The following DPYSL2 variants were observed in gnomAD, a reference collection of about 807,000 sequenced individuals.
The protein encoded by DPYSL2 is dihydropyrimidinase like 2, also known as dihydropyrimidinase-related protein 2.
DPYSL2 carries 13 observed loss-of-function variants against 69.9 expected under a neutral mutation model. The observed-to-expected ratio is 0.19, with a 90% CI of 0.12 to 0.30. The LOEUF is 0.30. Among genes scored for constraint, DPYSL2 ranks in the 10% least tolerant of loss-of-function variants. The pLI is 1.00. For missense variants in DPYSL2, 587 were observed against 918.9 expected (o/e 0.64, Z 4.67); for synonymous variants, 326 against 359.1 (o/e 0.91, Z 1.04).
rs111352844 is a variant in DPYSL2 at position 26,537,937 on chromosome 8, A to G, written c.354+23258A>G. On this transcript the variant is annotated intron_variant, in intron 1 of 13. Transcript: ENST00000521913. The stretch of plus-strand genomic sequence containing the variant: ...CGTTCATCTTTCCTTGGCTCATATA[A>G]CCTTAACACTTAATGAAAACTACAG... Among the ~76,000 whole-genome samples, 167 of 152,228 alleles carry G rather than the reference A, an allele frequency of 1.1e-3. 1 individual carries two copies. The highest frequency in any genetic ancestry group is 3.7e-3 in the African/African-American group (155 of 41,560).
At chr8:26,554,379 T>G (rs1417571878) in intron 1 of DPYSL2, among the ~76,000 whole-genome samples, 9 of 146,446 alleles carry the variant, frequency 6.1e-5, no homozygotes, top group Admixed American at 5.5e-4. Context: ...TTTTTTTTTG[T>G]AAATTTGTTT....
rs1347292287 is a variant in DPYSL2 at position 26,517,074 on chromosome 8, G to A, written c.354+2395G>A. ...AGCCCTGACGCAGAGAAAGGTGGGG[G>A]AGATTGAGAATGGGTGGATCCTGGG... On this transcript the variant is annotated intron_variant, in intron 1 of 13. Transcript: ENST00000521913. This position sits in a 1 kb window ranked among gnomAD's most constrained non-coding sequence, Gnocchi z 4.2. Among the ~76,000 whole-genome samples the A allele has an allele frequency of 6.6e-6, 1 of 152,164 alleles. No individual in the cohort carries two copies. Among genetic ancestry groups the A allele is most frequent in the Non-Finnish European group, 1.5e-5 (1 of 68,028 alleles).
rs1168010194 is a variant in DPYSL2, at chr8:26,571,428, C to T, written c.355-10541C>T. ...CTTTGTTCGCCACCAGAGGGCAGGC[C>T]TGAGGCACGATGGCTGAGCTAGGTG... On this transcript the variant is annotated intron_variant, in intron 1 of 13. Transcript: ENST00000521913. This position sits in a 1 kb window ranked among gnomAD's most constrained non-coding sequence, Gnocchi z 6.1. Among the ~76,000 whole-genome samples the T allele has an allele frequency of 6.6e-6, 1 of 152,096 alleles. No homozygotes were observed. The highest frequency in any genetic ancestry group is 1.5e-5 in the Non-Finnish European group (1 of 68,016).
chr8:26,648,501 CTG>C lies in DPYSL2; in HGVS notation c.1596+704_1596+705del, dbSNP rs1803218378. Among the ~76,000 whole-genome samples, 1 of 152,212 alleles carries C rather than the reference CTG, an allele frequency of 6.6e-6. No homozygotes were observed. The highest frequency in any genetic ancestry group is 1.5e-5 in the Non-Finnish European group (1 of 68,038). The stretch of plus-strand genomic sequence containing the variant: ...CGAGGTCTCCAAGTGTCCTGTGATT[CTG>C]TGAGGTCAGCAGACATTAAGCAGAG... On this transcript the variant is annotated intron_variant, in intron 11 of 13. Coordinates refer to ENST00000521913, the MANE Select transcript of DPYSL2 (RefSeq NM_001197293.3). This position sits in a 1 kb window ranked among gnomAD's most constrained non-coding sequence, Gnocchi z 4.3.
chr8:26,647,590 G>A lies in DPYSL2; in HGVS notation c.1426-40G>A, dbSNP rs756736577. The A allele has an allele frequency of 2.6e-6, 4 of 1,556,926 alleles. No homozygotes were observed. The South Asian group carries it at 4.8e-5, about 19-fold the overall frequency. On this transcript the variant is annotated intron_variant, in intron 10 of 13. Coordinates refer to ENST00000521913, the MANE Select transcript of DPYSL2 (RefSeq NM_001197293.3). The surrounding 1 kb of genome is among the most constrained non-coding windows in gnomAD (Gnocchi z 5.1). ...AAAAGTAACTTTTTAACTCGTTTCT[G>A]CTGTGTGCCTCCTGTGCACACCTAT...
chr8:26,618,854 A>G (rs1029455831), intron 3 of DPYSL2, among the ~76,000 whole-genome samples: 3 of 151,682 alleles, frequency 2.0e-5, no homozygotes, highest in Non-Finnish European at 4.4e-5. Context: ...GCTACTCAGG[A>G]CGCTGAGGCA....
Position 26,652,227 on chromosome 8 carries a change from G to C in DPYSL2, c.1597-30G>C. 6.3e-7 allele frequency: 1 copy of C among 1,598,844 alleles called. No individual in the cohort carries two copies. On this transcript the variant is annotated intron_variant, in intron 11 of 13. Coordinates refer to ENST00000521913, the MANE Select transcript of DPYSL2 (RefSeq NM_001197293.3). The surrounding 1 kb of genome is among the most constrained non-coding windows in gnomAD (Gnocchi z 6.3). The stretch of plus-strand genomic sequence containing the variant: ...GGATTGAGTCCAGCCAGAGTGGCCT[G>C]TTCTAGAGTTTACTTTGCCTTCTTC...
At chr8:26,655,516 AG>A in intron 13 of DPYSL2, 98 bp from the exon 14 acceptor site, 10 of 1,074,504 alleles carry the variant, frequency 9.3e-6, no homozygotes, top group Non-Finnish European at 1.3e-5. Flanking sequence ...GAATGCGACT[AG>A]CACTTTTCCT....
chr8:26,515,984 G>T (rs998044163), intron 1 of DPYSL2, among the ~76,000 whole-genome samples: 2 of 152,186 alleles, frequency 1.3e-5, no homozygotes, highest in African/African-American at 4.8e-5. Context: ...GAACAATTCA[G>T]AATTGGTGAT....
In DPYSL2 at chr8:26,514,312, C is replaced by A; in HGVS notation, c.-14C>A. ...ACGGACGGACGGCGAGGACCCTACC[C>A]GAGCCCCCGAGCCATGGCCGAGAGA... On this transcript the variant is annotated 5_prime_UTR_variant, in exon 1 of 14. Transcript: ENST00000521913. The surrounding 1 kb of genome is among the most constrained non-coding windows in gnomAD (Gnocchi z 8.4). The A allele has an allele frequency of 6.9e-7, 1 of 1,439,436 alleles. No homozygotes were observed. Among genetic ancestry groups the A allele is most frequent in the South Asian group, 1.4e-5 (1 of 69,282 alleles). The allele number at this position is 1,439,436 out of a possible 1,614,324, so 89.2% of individuals were successfully genotyped here.
Position 26,626,475 on chromosome 8 carries a change from G to A in DPYSL2, c.794-142G>A, listed in dbSNP as rs1169809888. On this transcript the variant is annotated intron_variant, in intron 4 of 13. Coordinates refer to ENST00000521913, the MANE Select transcript of DPYSL2 (RefSeq NM_001197293.3). This position sits in a 1 kb window ranked among gnomAD's most constrained non-coding sequence, Gnocchi z 4.3. ...CCATTTCTCTCCTCTCTCTTTCTCT[G>A]TACTGAAACACACACACACACACAC... is the stretch of plus-strand genomic sequence containing the variant. The A allele has an allele frequency of 1.0e-5, 7 of 687,004 alleles. No individual in the cohort carries two copies. The highest frequency in any genetic ancestry group is 1.4e-5 in the Non-Finnish European group (6 of 427,806). The allele number at this position is 687,004 out of a possible 1,614,324, so 42.6% of individuals were successfully genotyped here.
intron 1 of DPYSL2, among the ~76,000 whole-genome samples, chr8:26,567,055 G>GCCAT (rs1801161587): frequency 6.7e-6 from 1 of 148,242 alleles, no homozygotes; most frequent in African/African-American, 2.5e-5. Context: ...TACCCACTCA[G>GCCAT]CCATCCATCC....
At chr8:26,519,237 G>A (rs1181933517) in intron 1 of DPYSL2, among the ~76,000 whole-genome samples, 1 of 152,214 alleles carries the variant, frequency 6.6e-6, no homozygotes, top group Non-Finnish European at 1.5e-5. Context: ...GCAAGAAGGG[G>A]AAGTCAGAAT....
chr8:26,533,088 A>G lies in DPYSL2; in HGVS notation c.354+18409A>G, dbSNP rs1800537905. ...CCAGCCATCCTACTGGGTATGAGTC[A>G]GTATCTCTTGTGGCTTTGGTTTGTA... is the stretch of plus-strand genomic sequence containing the variant. On this transcript the variant is annotated intron_variant, in intron 1 of 13. Transcript: ENST00000521913. The surrounding 1 kb of genome is among the most constrained non-coding windows in gnomAD (Gnocchi z 4.8). Among the ~76,000 whole-genome samples the G allele has an allele frequency of 6.6e-6, 1 of 152,186 alleles. No individual in the cohort carries two copies. The highest frequency in any genetic ancestry group is 1.5e-5 in the Non-Finnish European group (1 of 68,032).
chr8:26,638,952 G>T (rs1395815558), intron 8 of DPYSL2, among the ~76,000 whole-genome samples: 1 of 152,234 alleles, frequency 6.6e-6, no homozygotes, highest in Non-Finnish European at 1.5e-5. Context: ...CCATGTGTGA[G>T]TGGTGGCCGT....
chr8:26,542,633 C>T (rs1800704194), intron 1 of DPYSL2, among the ~76,000 whole-genome samples: 1 of 152,086 alleles, frequency 6.6e-6, no homozygotes, highest in South Asian at 2.1e-4. Flanking sequence ...CACTCTGTTT[C>T]TCAGGTATGT....
At chr8:26,520,545 C>T (rs1181551989) in intron 1 of DPYSL2, among the ~76,000 whole-genome samples, 1 of 150,816 alleles carries the variant, frequency 6.6e-6, no homozygotes, top group Non-Finnish European at 1.5e-5. Flanking sequence ...TATGAATGTG[C>T]CCTAAATTGC....
intron 1 of DPYSL2, among the ~76,000 whole-genome samples, chr8:26,531,220 T>A (rs1800505636): frequency 6.6e-6 from 1 of 151,668 alleles, no homozygotes; most frequent in African/African-American, 2.4e-5. Flanking sequence ...GAAAACAAAA[T>A]AAGGAAACAG....
chr8:26,559,225 G>A (rs182461891), intron 1 of DPYSL2, among the ~76,000 whole-genome samples: 1 of 152,266 alleles, frequency 6.6e-6, no homozygotes, highest in African/African-American at 2.4e-5. Context: ...TTACAGGTGT[G>A]AGCCACCACG....
Sources: allele counts gnomAD v4.1 joint callset (sites outside exome capture counted in the v4.1 genomes callset), GRCh38; gene constraint gnomAD v4.1.1; non-coding constraint Gnocchi (gnomAD v3.1); transcripts MANE v1.5; gene names NCBI Gene and HGNC (gene_info 2026-07-23, HGNC 2026-07-21).